The following CNOT6 variants were observed in gnomAD, a reference collection of about 807,000 sequenced individuals.
CNOT6 encodes the protein CCR4-NOT transcription complex subunit 6.
Under a neutral mutation model 61.2 loss-of-function variants are expected in CNOT6, and 12 were observed. The observed-to-expected ratio is 0.20, with a 90% confidence interval of 0.13 to 0.32. The LOEUF is 0.32. CNOT6 is among the 10% of genes least tolerant of loss of function. CNOT6 has a pLI of 1.00. For synonymous variants in CNOT6, 225 were observed against 240.6 expected, an observed-to-expected ratio of 0.94 and a Z score of 0.60; for missense variants, 405 against 663.9, an observed-to-expected ratio of 0.61 and a Z score of 4.28.
At chr5:180,503,601 CTTTTTTTTTTTTT>C (rs56187510) in intron 1 of CNOT6, among the ~76,000 whole-genome samples, 2 of 66,132 alleles carry the variant, frequency 3.0e-5, no homozygotes, top group African/African-American at 6.3e-5. Context: ...GCCCTACTTC[CTTTTTTTTTTTTT>C]TTTTTTTTTT....
intron 2 of CNOT6, among the ~76,000 whole-genome samples, chr5:180,543,120 A>G (rs10903260): frequency 0.47 from 70,788 of 151,872 alleles, 17,525 homozygotes; most frequent in Non-Finnish European, 0.56. Context: ...GTGCAGTGGC[A>G]CGGTCTCTGG....
Position 180,528,342 on chromosome 5 carries a change from G to A in CNOT6, c.-2-933G>A, listed in dbSNP as rs567712688. On this transcript the variant is annotated intron_variant, in intron 1 of 11. Transcript: ENST00000261951. ...TATTTATTTTTTGAGACGGAGTCTC[G>A]CTCTGTTGCCCAGGCTGGAGTGCAG... Among the ~76,000 whole-genome samples the A allele has an allele frequency of 1.1e-3, 165 of 152,124 alleles. 1 individual carries two copies. Among genetic ancestry groups the A allele is most frequent in the African/African-American group, 3.8e-3 (158 of 41,494 alleles).
chr5:180,538,199 C>T (rs867283371), intron 2 of CNOT6, among the ~76,000 whole-genome samples: 85 of 151,706 alleles, frequency 5.6e-4, no homozygotes, highest in African/African-American at 1.8e-3. Context: ...CCACAACTGC[C>T]GGCTAATTTA....
intron 2 of CNOT6, among the ~76,000 whole-genome samples, chr5:180,546,880 T>C (rs1318706218): frequency 6.6e-6 from 1 of 152,242 alleles, no homozygotes; most frequent in Non-Finnish European, 1.5e-5. Flanking sequence ...TTTTATTTTT[T>C]ATTTTTGAAT....
intron 2 of CNOT6, 41 bp downstream of exon 2, chr5:180,529,429 A>G (rs1433641619): frequency 1.6e-6 from 2 of 1,225,472 alleles, no homozygotes; most frequent in East Asian, 2.3e-5. Context: ...GGAAATTAAG[A>G]TATGGTAGTA....
chr5:180,570,549 A>G (rs1428864300), intron 10 of CNOT6, among the ~76,000 whole-genome samples: 2 of 152,174 alleles, frequency 1.3e-5, no homozygotes, highest in Non-Finnish European at 2.9e-5. Flanking sequence ...TGTAGCTACA[A>G]AGTATCTGAG....
intron 1 of CNOT6, among the ~76,000 whole-genome samples, chr5:180,496,701 C>T (rs901875779): frequency 1.1e-4 from 16 of 152,152 alleles, no homozygotes; most frequent in African/African-American, 3.9e-4. Flanking sequence ...ATAACTGTCA[C>T]AACGTAGTGA....
intron 1 of CNOT6, among the ~76,000 whole-genome samples, chr5:180,516,153 G>A (rs1283319627): frequency 2.6e-5 from 4 of 151,020 alleles, no homozygotes; most frequent in Admixed American, 2.0e-4. Context: ...GGCCTGCCCA[G>A]GCCTCCCAAA....
chr5:180,502,496 T>C (rs1037549754), intron 1 of CNOT6, among the ~76,000 whole-genome samples: 10 of 152,308 alleles, frequency 6.6e-5, no homozygotes, highest in Admixed American at 2.0e-4. Flanking sequence ...TTTGCACTTA[T>C]GTTGTGCTCC....
At chr5:180,529,197 C>CAAA (rs71591495) in intron 1 of CNOT6, 78 bp from the exon 2 acceptor site, 89,820 of 558,536 alleles carry the variant, frequency 0.16, 4,996 homozygotes, top group Middle Eastern at 0.18. Flanking sequence ...GACTTCGTCT[C>CAAA]AAAAAAAAAA....
rs572095636 is a variant in CNOT6, at chr5:180,527,358, T to C, written c.-2-1917T>C. On this transcript the variant is annotated intron_variant, in intron 1 of 11. Transcript: ENST00000261951. Reference sequence around the variant, plus strand: ...TCAGACCATTGATTTGTTCAAGATATTTGGTCTTTTGTCATCTAGAACTTC... The same window carrying C: ...TCAGACCATTGATTTGTTCAAGATACTTGGTCTTTTGTCATCTAGAACTTC... Among the ~76,000 whole-genome samples, 4 of 152,332 alleles carry C rather than the reference T, an allele frequency of 2.6e-5. No individual in the cohort carries two copies. The East Asian group carries it at 7.7e-4, about 29-fold the overall frequency.
At chr5:180,566,640 CTTTTTTTTTTTT>C (rs70973940) in intron 7 of CNOT6, among the ~76,000 whole-genome samples, 24 of 75,590 alleles carry the variant, frequency 3.2e-4, no homozygotes, top group East Asian at 2.3e-3. Context: ...AAAGATGTTA[CTTTTTTTTTTTT>C]TTTTTTTTTT....
intron 2 of CNOT6, among the ~76,000 whole-genome samples, chr5:180,533,245 G>A (rs1758478819): frequency 6.7e-6 from 1 of 149,748 alleles, no homozygotes; most frequent in South Asian, 2.1e-4. Flanking sequence ...GTTTCCTGAG[G>A]CCTTAAGCAC....
In CNOT6 at chr5:180,565,732, T is replaced by C; in HGVS notation, c.560-88T>C. 3.1e-6 allele frequency: 4 copies of C among 1,273,540 alleles called. No homozygotes were observed. In the East Asian group the frequency reaches 9.6e-5, roughly 30 times the overall value. The allele number at this position is 1,273,540 out of a possible 1,614,324, so 78.9% of individuals were successfully genotyped here. ...ATAGATTGAATGAATACGGTCAAAC[T>C]TAACATTTAAGTGAAAACCATTACT... On this transcript the variant is annotated intron_variant, in intron 6 of 11. Coordinates refer to ENST00000261951, the MANE Select transcript of CNOT6 (RefSeq NM_001370472.1).
At chr5:180,497,978 G>T (rs1157644250) in intron 1 of CNOT6, among the ~76,000 whole-genome samples, 1 of 151,524 alleles carries the variant, frequency 6.6e-6, no homozygotes, top group African/African-American at 2.4e-5. Context: ...GGGAGGCAGA[G>T]CCTGCAGTGA....
chr5:180,531,889 C>T (rs555725360), intron 2 of CNOT6, among the ~76,000 whole-genome samples: 30 of 152,200 alleles, frequency 2.0e-4, no homozygotes, highest in African/African-American at 7.0e-4. Flanking sequence ...CAGGCTGAGG[C>T]AGGAGAATCA....
chr5:180,564,196 T>A (rs899169454), intron 4 of CNOT6, among the ~76,000 whole-genome samples: 1 of 152,202 alleles, frequency 6.6e-6, no homozygotes, highest in African/African-American at 2.4e-5. Context: ...TTGTTTGTTA[T>A]AACCATCTGT....
chr5:180,530,511 G>A (rs1330322985), intron 2 of CNOT6, among the ~76,000 whole-genome samples: 2 of 150,914 alleles, frequency 1.3e-5, no homozygotes, highest in African/African-American at 2.4e-5. Context: ...TGCAGCCATA[G>A]TAGAGGTCAG....
intron 2 of CNOT6, among the ~76,000 whole-genome samples, chr5:180,548,386 G>A (rs1759419224): frequency 6.6e-6 from 1 of 152,016 alleles, no homozygotes; most frequent in Non-Finnish European, 1.5e-5. Flanking sequence ...TGCATGTGTC[G>A]ATCAATACCC....
Sources: allele counts gnomAD v4.1 joint callset (sites outside exome capture counted in the v4.1 genomes callset), GRCh38; gene constraint gnomAD v4.1.1; transcripts MANE v1.5; gene names NCBI Gene and HGNC (gene_info 2026-07-23, HGNC 2026-07-21).